Variants in CBFA2T2 observed in about 807,000 individuals in gnomAD.
The protein encoded by CBFA2T2 is protein CBFA2T2.
CBFA2T2 carries 11 observed loss-of-function variants against 62.2 expected under a neutral mutation model. The observed-to-expected ratio is 0.18, with a 90% CI of 0.11 to 0.29. The LOEUF (loss-of-function observed/expected upper bound fraction) is 0.29, where lower values mean the gene tolerates loss of function less well. Ranked by LOEUF, CBFA2T2 falls within the 10% of genes least tolerant of loss-of-function variation. The pLI is 1.00. For missense variants in CBFA2T2, 592 were observed against 774.1 expected, an observed-to-expected ratio of 0.76 and a Z score of 2.79; for synonymous variants, 295 against 287.5, an observed-to-expected ratio of 1.03 and a Z score of -0.27.
At chr20:33,562,682 C>T in intron 1 of CBFA2T2, 1 of 984,832 alleles carries the variant, frequency 1.0e-6, no homozygotes, top group Non-Finnish European at 1.2e-6. Flanking sequence ...GGGGTAAGTA[C>T]ATTTTAATAT....
At chr20:33,536,853 G>A (rs1437155536) in intron 1 of CBFA2T2, among the ~76,000 whole-genome samples, 4 of 149,740 alleles carry the variant, frequency 2.7e-5, no homozygotes, top group East Asian at 2.0e-4. Flanking sequence ...ATGGGATGGC[G>A]GCTGGGCAGA....
At chr20:33,493,650 A>G (rs1187606818) in intron 1 of CBFA2T2, among the ~76,000 whole-genome samples, 2 of 151,832 alleles carry the variant, frequency 1.3e-5, no homozygotes, top group Admixed American at 6.6e-5. Flanking sequence ...ACAGGCATGT[A>G]TTGCCATGCC....
At chr20:33,525,271 C>T (rs905393407) in intron 1 of CBFA2T2, among the ~76,000 whole-genome samples, 3 of 151,914 alleles carry the variant, frequency 2.0e-5, no homozygotes, top group Admixed American at 6.6e-5. Context: ...CCACAACCTC[C>T]GCCTCCTGGG....
intron 1 of CBFA2T2, among the ~76,000 whole-genome samples, chr20:33,515,735 A>T (rs906467794): frequency 8.0e-6 from 1 of 125,418 alleles, no homozygotes; most frequent in Non-Finnish European, 1.6e-5. Context: ...CGGGAGGCAG[A>T]GGTTGCAGTG....
chr20:33,567,643 C>T (rs912056787), intron 1 of CBFA2T2, among the ~76,000 whole-genome samples: 3 of 150,628 alleles, frequency 2.0e-5, no homozygotes, highest in African/African-American at 2.4e-5. Context: ...AGTGCAGTGG[C>T]GTGATCTCGG....
At chr20:33,529,395 C>T (rs2011981604) in intron 1 of CBFA2T2, among the ~76,000 whole-genome samples, 1 of 152,096 alleles carries the variant, frequency 6.6e-6, no homozygotes, top group Non-Finnish European at 1.5e-5. Context: ...TCCATCAAGC[C>T]TCTTTCAACT....
At chr20:33,627,929 A>G (rs892001416) in intron 6 of CBFA2T2, among the ~76,000 whole-genome samples, 8 of 152,230 alleles carry the variant, frequency 5.3e-5, no homozygotes, top group African/African-American at 1.9e-4. Flanking sequence ...AAATTTTTTT[A>G]AGTTACTGAT....
In CBFA2T2 at chr20:33,646,203, C is replaced by G. The variant is rs2017044616; in HGVS notation, c.*1557C>G. ...ATTTTTAGTAGAGACAGGGTTTCAC[C>G]ATGTTGGCCAGGCTGATCTCGAACT... On this transcript the variant is annotated 3_prime_UTR_variant, in exon 11 of 11. Transcript: ENST00000342704. 6.6e-6 allele frequency: 1 copy of G among 152,224 alleles called. No individual in the cohort carries two copies. Among genetic ancestry groups the G allele is most frequent in the Non-Finnish European group, 1.5e-5 (1 of 68,106 alleles). 9.4% of individuals were successfully genotyped at this position (152,224 alleles called of 1,614,324 possible).
intron 1 of CBFA2T2, among the ~76,000 whole-genome samples, chr20:33,593,143 C>T (rs1159273149): frequency 1.3e-5 from 2 of 151,978 alleles, no homozygotes; most frequent in Non-Finnish European, 1.5e-5. Flanking sequence ...ACCAGCCTGG[C>T]CAACAAGGTG....
intron 1 of CBFA2T2, among the ~76,000 whole-genome samples, chr20:33,554,361 T>A (rs956538531): frequency 6.6e-6 from 1 of 150,966 alleles, no homozygotes; most frequent in South Asian, 2.1e-4. Context: ...CAAGTGATTC[T>A]CCTGCCTCAG....
chr20:33,500,029 G>A (rs980307001), intron 1 of CBFA2T2, among the ~76,000 whole-genome samples: 1 of 151,652 alleles, frequency 6.6e-6, no homozygotes, highest in Non-Finnish European at 1.5e-5. Context: ...TGTGATCTTG[G>A]CTCACTGCAA....
intron 1 of CBFA2T2, among the ~76,000 whole-genome samples, chr20:33,528,147 G>C (rs190538668): frequency 2.1e-3 from 324 of 152,280 alleles, no homozygotes; most frequent in Non-Finnish European, 3.5e-3. Flanking sequence ...TGGGATTACA[G>C]GCTCTTGCCT....
intron 1 of CBFA2T2, among the ~76,000 whole-genome samples, chr20:33,491,756 C>T (rs1288184016): frequency 6.6e-6 from 1 of 151,646 alleles, no homozygotes; most frequent in Non-Finnish European, 1.5e-5. Context: ...GACTGGAGTG[C>T]AGGGGTGTGA....
At chr20:33,528,026 A>T (rs2011937523) in intron 1 of CBFA2T2, among the ~76,000 whole-genome samples, 1 of 151,826 alleles carries the variant, frequency 6.6e-6, no homozygotes, top group Non-Finnish European at 1.5e-5. Context: ...TACCTGGCTG[A>T]AGTGTTGGTT....
At chr20:33,555,600 A>G (rs2012874492) in intron 1 of CBFA2T2, among the ~76,000 whole-genome samples, 1 of 152,204 alleles carries the variant, frequency 6.6e-6, no homozygotes, top group South Asian at 2.1e-4. Flanking sequence ...ATGCCCTTTT[A>G]TCCCTAAATA....
chr20:33,517,535 C>G (rs766267263), intron 1 of CBFA2T2, among the ~76,000 whole-genome samples: 1 of 151,078 alleles, frequency 6.6e-6, no homozygotes, highest in South Asian at 2.1e-4. Context: ...CTGCAATCTC[C>G]GGCTCAATCA....
At chr20:33,615,953 A>G (rs1479063404) in intron 3 of CBFA2T2, among the ~76,000 whole-genome samples, 2 of 152,102 alleles carry the variant, frequency 1.3e-5, no homozygotes, top group Non-Finnish European at 1.5e-5. Flanking sequence ...GAGTATGCCT[A>G]TAGTCCCAGA....
At chr20:33,524,285 A>G (rs549282662) in intron 1 of CBFA2T2, among the ~76,000 whole-genome samples, 1 of 152,166 alleles carries the variant, frequency 6.6e-6, no homozygotes, top group Non-Finnish European at 1.5e-5. Flanking sequence ...GTGGGCTGAG[A>G]TTTCTGGCTA....
chr20:33,609,913 G>A (rs891129409), intron 2 of CBFA2T2, among the ~76,000 whole-genome samples: 1 of 152,052 alleles, frequency 6.6e-6, no homozygotes, highest in Non-Finnish European at 1.5e-5. Context: ...AGTTTTTTAA[G>A]GCTGGATATG....
Sources: allele counts gnomAD v4.1 joint callset (sites outside exome capture counted in the v4.1 genomes callset), GRCh38; gene constraint gnomAD v4.1.1; transcripts MANE v1.5; gene names NCBI Gene and HGNC (gene_info 2026-07-23, HGNC 2026-07-21).